Variants in HS6ST3 observed in about 807,000 individuals in gnomAD.
HS6ST3 encodes heparan-sulfate 6-O-sulfotransferase 3.
HS6ST3 carries 12 observed loss-of-function variants against 36.7 expected under a neutral mutation model. The observed-to-expected ratio is 0.33, with a 90% CI of 0.21 to 0.53. The LOEUF (loss-of-function observed/expected upper bound fraction) is 0.53. HS6ST3 is among the 20% of genes least tolerant of loss of function. The probability of loss-of-function intolerance (pLI) is 0.95; values close to 1 mark genes in which losing one functional copy is unlikely to be tolerated. For synonymous variants in HS6ST3, 240 were observed against 257.5 expected, an observed-to-expected ratio of 0.93 and a Z score of 0.65; for missense variants, 584 against 640.9, an observed-to-expected ratio of 0.91 and a Z score of 0.96.
intron 1 of HS6ST3, among the ~76,000 whole-genome samples, chr13:96,105,313 G>A (rs1314593984): frequency 3.3e-5 from 5 of 152,064 alleles, no homozygotes; most frequent in Non-Finnish European, 5.9e-5. Flanking sequence ...GTTTACAGCT[G>A]TGAAACCCAG....
intron 1 of HS6ST3, among the ~76,000 whole-genome samples, chr13:96,699,384 G>A (rs1875222027): frequency 6.6e-6 from 1 of 152,066 alleles, no homozygotes; most frequent in African/African-American, 2.4e-5. Context: ...AATCTACAAT[G>A]AACTCAAACA....
At chr13:96,223,574 G>A (rs1219491489) in intron 1 of HS6ST3, among the ~76,000 whole-genome samples, 1 of 151,908 alleles carries the variant, frequency 6.6e-6, no homozygotes, top group Non-Finnish European at 1.5e-5. Context: ...ATGGACCAGA[G>A]CAATTGCTTT....
chr13:96,555,553 A>G (rs187926778), intron 1 of HS6ST3, among the ~76,000 whole-genome samples: 1 of 152,326 alleles, frequency 6.6e-6, no homozygotes, highest in Non-Finnish European at 1.5e-5. Flanking sequence ...TGGAAAACCT[A>G]CAGCGACATT....
intron 1 of HS6ST3, among the ~76,000 whole-genome samples, chr13:96,457,663 G>A (rs1403512915): frequency 6.6e-6 from 1 of 151,974 alleles, no homozygotes; most frequent in South Asian, 2.1e-4. Flanking sequence ...CATACAGATG[G>A]GCAGACAAGA....
At chr13:96,362,737 C>G (rs1210340871) in intron 1 of HS6ST3, among the ~76,000 whole-genome samples, 2 of 152,164 alleles carry the variant, frequency 1.3e-5, no homozygotes, top group Non-Finnish European at 2.9e-5. Context: ...CAAACCTGGA[C>G]ACAAACCAGG....
intron 1 of HS6ST3, among the ~76,000 whole-genome samples, chr13:96,230,936 C>T (rs1041145627): frequency 9.2e-5 from 14 of 152,050 alleles, no homozygotes; most frequent in African/African-American, 1.4e-4. Context: ...AAGATACTTG[C>T]GGAAATTGAC....
intron 1 of HS6ST3, among the ~76,000 whole-genome samples, chr13:96,236,254 T>A (rs555540580): frequency 6.6e-6 from 1 of 152,270 alleles, no homozygotes; most frequent in African/African-American, 2.4e-5. Context: ...GTCCACTGAC[T>A]CAGGTGTTAA....
chr13:96,229,218 A>G (rs935184993), intron 1 of HS6ST3, among the ~76,000 whole-genome samples: 3 of 152,184 alleles, frequency 2.0e-5, no homozygotes, highest in Admixed American at 6.5e-5. Flanking sequence ...TTTGGGGCCT[A>G]TCACTTTGGT....
chr13:96,816,781 C>T lies in HS6ST3; in HGVS notation c.708-15709C>T, dbSNP rs914850639. On this transcript the variant is annotated intron_variant, in intron 1 of 1. Transcript: ENST00000376705. Reference sequence around the variant, plus strand: ...TTGTCAAAAAGCCATTTCACATCAGCGCTCCAAGAGGCTTTCTGAGTTTGT... The same window carrying T: ...TTGTCAAAAAGCCATTTCACATCAGTGCTCCAAGAGGCTTTCTGAGTTTGT... Among the ~76,000 whole-genome samples the T allele has an allele frequency of 3.3e-5, 5 of 152,146 alleles. No individual in the cohort carries two copies. The East Asian group carries it at 7.7e-4, about 24-fold the overall frequency.
At chr13:96,544,644 T>C (rs2056190556) in intron 1 of HS6ST3, among the ~76,000 whole-genome samples, 1 of 152,224 alleles carries the variant, frequency 6.6e-6, no homozygotes, top group Non-Finnish European at 1.5e-5. Flanking sequence ...TTAGTCTTTT[T>C]TGACCCACAG....
At position 96,090,505 on chromosome 13, in the gene HS6ST3, CAGCGCCTG is replaced by C. The variant is rs1349007634; in HGVS notation, c.-349_-342del. ...GGTCCAGGACCCGAACCCCGCTCCC[CAGCGCCTG>C]AGCGCCTGCAAGCCGCCGGCGGGAT... On this transcript the variant is annotated 5_prime_UTR_variant, in exon 1 of 2. An upstream open reading frame in the 5' UTR loses its in-frame stop. Coordinates refer to ENST00000376705, the MANE Select transcript of HS6ST3 (RefSeq NM_153456.4). Among the ~76,000 whole-genome samples, 1 of 146,582 alleles carries C rather than the reference CAGCGCCTG, an allele frequency of 6.8e-6. No individual in the cohort carries two copies. Among genetic ancestry groups the C allele is most frequent in the Non-Finnish European group, 1.5e-5 (1 of 65,868 alleles).
At chr13:96,781,361 CCCTTTGG>C (rs1336184638) in intron 1 of HS6ST3, among the ~76,000 whole-genome samples, 2 of 152,166 alleles carry the variant, frequency 1.3e-5, no homozygotes, top group African/African-American at 4.8e-5. Flanking sequence ...TCCCCTCGCC[CCCTTTGG>C]CCAGATGCCC....
At chr13:96,821,901 C>T (rs1356966900) in intron 1 of HS6ST3, among the ~76,000 whole-genome samples, 1 of 152,186 alleles carries the variant, frequency 6.6e-6, no homozygotes, top group African/African-American at 2.4e-5. Flanking sequence ...AAATATGCAT[C>T]AGAGCTGTCA....
At chr13:96,189,463 G>A (rs1290751500) in intron 1 of HS6ST3, among the ~76,000 whole-genome samples, 1 of 152,048 alleles carries the variant, frequency 6.6e-6, no homozygotes, top group East Asian at 1.9e-4. Context: ...CTCTAGCATG[G>A]ATCTAGGATG....
At chr13:96,716,509 T>C (rs1450467993) in intron 1 of HS6ST3, among the ~76,000 whole-genome samples, 1 of 152,152 alleles carries the variant, frequency 6.6e-6, no homozygotes, top group Non-Finnish European at 1.5e-5. Context: ...TGTCACTAAG[T>C]AATTGCAACT....
At chr13:96,832,416 G>T in intron 1 of HS6ST3, 74 bp from the exon 2 acceptor site, 1 of 1,144,466 alleles carries the variant, frequency 8.7e-7, no homozygotes, top group Non-Finnish European at 1.2e-6. Context: ...CAATGCCGAT[G>T]TAAAATTATA....
intron 1 of HS6ST3, among the ~76,000 whole-genome samples, chr13:96,566,306 C>A (rs1731197594): frequency 6.6e-6 from 1 of 152,114 alleles, no homozygotes; most frequent in Non-Finnish European, 1.5e-5. Flanking sequence ...TTTTTTAGAA[C>A]TGAAGGAATG....
At chr13:96,791,474 C>T (rs779904200) in intron 1 of HS6ST3, among the ~76,000 whole-genome samples, 9 of 152,032 alleles carry the variant, frequency 5.9e-5, no homozygotes, top group Non-Finnish European at 1.3e-4. Context: ...TCAGAATCCT[C>T]CTAAACACAG....
At chr13:96,442,151 G>A (rs766116) in intron 1 of HS6ST3, among the ~76,000 whole-genome samples, 77,782 of 150,892 alleles carry the variant, frequency 0.52, 20,302 homozygotes, top group South Asian at 0.6. Flanking sequence ...CCTCCCAAGT[G>A]GCTGGGACGA....
Sources: allele counts gnomAD v4.1 joint callset (sites outside exome capture counted in the v4.1 genomes callset), GRCh38; gene constraint gnomAD v4.1.1; transcripts MANE v1.5; gene names NCBI Gene and HGNC (gene_info 2026-07-23, HGNC 2026-07-21).